Variants in GALNT17 observed in about 807,000 individuals in gnomAD.
The protein encoded by GALNT17 is polypeptide N-acetylgalactosaminyltransferase 17.
Under a neutral mutation model 63.7 loss-of-function variants are expected in GALNT17, and 29 were observed. The ratio of observed to expected loss-of-function variants is 0.46; its 90% CI spans 0.34 to 0.62. The LOEUF (loss-of-function observed/expected upper bound fraction) is 0.62, where lower values mean the gene tolerates loss of function less well. Among genes scored for constraint, GALNT17 ranks in the 20% least tolerant of loss-of-function variants. The pLI is 0.01. For missense variants in GALNT17, 603 were observed against 799.6 expected (o/e 0.75, Z 2.97); for synonymous variants, 305 against 318.3 (o/e 0.96, Z 0.45).
chr7:71,712,251 G>C lies in GALNT17; in HGVS notation c.*105G>C, dbSNP rs1791806516. ...GAGAGACAGCAAGGGGCCGGCAGGT[G>C]CTCGATGGGCCCCCCAGGGCTTCTC... On this transcript the variant is annotated 3_prime_UTR_variant, in exon 11 of 11. Coordinates refer to ENST00000333538, the MANE Select transcript of GALNT17 (RefSeq NM_022479.3). The C allele has an allele frequency of 6.7e-7, 1 of 1,482,276 alleles. No homozygotes were observed. Among genetic ancestry groups the C allele is most frequent in the Non-Finnish European group, 9.0e-7 (1 of 1,115,622 alleles). The allele number at this position is 1,482,276 out of a possible 1,614,324, so 91.8% of individuals were successfully genotyped here.
intron 2 of GALNT17, among the ~76,000 whole-genome samples, chr7:71,352,645 T>G (rs1027922847): frequency 6.6e-6 from 1 of 152,134 alleles, no homozygotes; most frequent in Non-Finnish European, 1.5e-5. Context: ...AGATAGACCT[T>G]TGAAGGCATC....
At chr7:71,173,851 C>T (rs75113612) in intron 1 of GALNT17, among the ~76,000 whole-genome samples, 5 of 152,080 alleles carry the variant, frequency 3.3e-5, no homozygotes, top group African/African-American at 1.2e-4. Context: ...ATTTTGTTCA[C>T]ATTATGTCCT....
chr7:71,220,820 T>C (rs1789569332), intron 1 of GALNT17, among the ~76,000 whole-genome samples: 1 of 152,174 alleles, frequency 6.6e-6, no homozygotes, highest in South Asian at 2.1e-4. Context: ...CCAACCCTGC[T>C]GACAGCTTGG....
chr7:71,296,548 G>A (rs1008612268), intron 1 of GALNT17, among the ~76,000 whole-genome samples: 2 of 151,710 alleles, frequency 1.3e-5, no homozygotes, highest in African/African-American at 2.4e-5. Context: ...CCCAGGAGGC[G>A]GAGGTTGCAG....
intron 5 of GALNT17, among the ~76,000 whole-genome samples, chr7:71,458,207 T>C (rs1446894532): frequency 6.6e-6 from 1 of 152,202 alleles, no homozygotes; most frequent in Non-Finnish European, 1.5e-5. Context: ...TAACATCTAA[T>C]TGGTCTTTGT....
At chr7:71,506,175 C>A (rs1179798357) in intron 5 of GALNT17, among the ~76,000 whole-genome samples, 1 of 152,064 alleles carries the variant, frequency 6.6e-6, no homozygotes, top group Admixed American at 6.6e-5. Context: ...TATTATGTAT[C>A]CATAAAAAAT....
At chr7:71,286,992 C>T (rs1208179759) in intron 1 of GALNT17, among the ~76,000 whole-genome samples, 1 of 151,978 alleles carries the variant, frequency 6.6e-6, no homozygotes, top group East Asian at 1.9e-4. Flanking sequence ...ACGGAACTCC[C>T]CATGTTGCCC....
At chr7:71,279,862 G>T (rs1170105350) in intron 1 of GALNT17, among the ~76,000 whole-genome samples, 1 of 151,142 alleles carries the variant, frequency 6.6e-6, no homozygotes, top group Non-Finnish European at 1.5e-5. Flanking sequence ...ATGTTATTTG[G>T]CATGTAAACT....
At chr7:71,487,674 AG>A (rs1563129892) in intron 5 of GALNT17, among the ~76,000 whole-genome samples, 2 of 152,180 alleles carry the variant, frequency 1.3e-5, no homozygotes, top group African/African-American at 2.4e-5. Flanking sequence ...GCTACTCAGG[AG>A]GCTGAGACGG....
At chr7:71,148,890 A>ATG (rs1456598913) in intron 1 of GALNT17, among the ~76,000 whole-genome samples, 12,037 of 132,922 alleles carry the variant, frequency 0.091, 747 homozygotes, top group Non-Finnish European at 0.13. Flanking sequence ...ATATATATAT[A>ATG]TATGTATACC....
intron 1 of GALNT17, among the ~76,000 whole-genome samples, chr7:71,269,339 C>G (rs1241310275): frequency 2.0e-5 from 3 of 152,152 alleles, no homozygotes; most frequent in Middle Eastern, 3.2e-3. Context: ...TGGTGGTGCA[C>G]ACCTGTAGTC....
chr7:71,537,332 G>C (rs532570120), intron 5 of GALNT17, among the ~76,000 whole-genome samples: 2 of 152,284 alleles, frequency 1.3e-5, no homozygotes, highest in South Asian at 4.1e-4. Flanking sequence ...CTGCAAGGAT[G>C]TGTTCACATC....
intron 6 of GALNT17, among the ~76,000 whole-genome samples, chr7:71,574,531 A>G (rs1055399276): frequency 6.6e-6 from 1 of 152,216 alleles, no homozygotes; most frequent in Admixed American, 6.5e-5. Context: ...GCAGGCTGCA[A>G]GGTGATCTTG....
intron 2 of GALNT17, among the ~76,000 whole-genome samples, chr7:71,366,069 G>T (rs1417705159): frequency 6.6e-6 from 1 of 152,054 alleles, no homozygotes; most frequent in Non-Finnish European, 1.5e-5. Flanking sequence ...TCACGATAGG[G>T]CTTGCACTCT....
chr7:71,327,171 G>A (rs1186749376), intron 1 of GALNT17, among the ~76,000 whole-genome samples: 2 of 152,190 alleles, frequency 1.3e-5, no homozygotes, highest in South Asian at 4.1e-4. Context: ...GACCACAGGA[G>A]AAGTCTTCCA....
intron 5 of GALNT17, among the ~76,000 whole-genome samples, chr7:71,502,001 T>C (rs1418562971): frequency 2.0e-5 from 3 of 152,180 alleles, no homozygotes; most frequent in Admixed American, 6.5e-5. Context: ...CCATTCCATG[T>C]CTTTGTAGTT....
At chr7:71,647,406 G>A (rs1448134895) in intron 6 of GALNT17, among the ~76,000 whole-genome samples, 1 of 152,100 alleles carries the variant, frequency 6.6e-6, no homozygotes, top group African/African-American at 2.4e-5. Flanking sequence ...GGGATGGGGA[G>A]ACAAGTTGGA....
At chr7:71,277,381 T>C (rs1583822260) in intron 1 of GALNT17, among the ~76,000 whole-genome samples, 1 of 152,188 alleles carries the variant, frequency 6.6e-6, no homozygotes, top group Non-Finnish European at 1.5e-5. Context: ...AAACCACCCG[T>C]TGGATACAGC....
intron 6 of GALNT17, among the ~76,000 whole-genome samples, chr7:71,626,467 C>T (rs1048221094): frequency 1.3e-5 from 2 of 152,188 alleles, no homozygotes; most frequent in Non-Finnish European, 2.9e-5. Flanking sequence ...GCAGACTATA[C>T]ACACTATTTA....
Sources: gnomAD v4.1 joint callset for allele counts (sites outside exome capture counted in the v4.1 genomes callset) on GRCh38, gnomAD v4.1.1 for gene constraint, MANE v1.5 for transcripts, NCBI Gene and HGNC (gene_info 2026-07-23, HGNC 2026-07-21) for gene names.